Variants in BBS9 observed in about 807,000 individuals in gnomAD.
BBS9 encodes the protein Bardet-Biedl syndrome 9.
BBS9 carries 89 observed loss-of-function variants against 117.7 expected under a neutral mutation model. That is an observed-to-expected ratio of 0.76 (90% CI 0.64 to 0.90). The LOEUF is 0.90. Ranked by LOEUF, BBS9 falls within the 40% of genes least tolerant of loss-of-function variation. BBS9 has a pLI of 0.00. For synonymous variants in BBS9, 379 were observed against 370.9 expected (o/e 1.02, Z -0.25); for missense variants, 982 against 1,042.2 (o/e 0.94, Z 0.80).
chr7:33,165,016 C>A (rs927587112), intron 4 of BBS9, among the ~76,000 whole-genome samples: 6 of 152,154 alleles, frequency 3.9e-5, no homozygotes, highest in African/African-American at 9.7e-5. Context: ...TCTTGTAAGG[C>A]AGGTCTGGTG....
At chr7:33,504,701 T>C (rs1845905262) in intron 19 of BBS9, among the ~76,000 whole-genome samples, 1 of 152,082 alleles carries the variant, frequency 6.6e-6, no homozygotes, top group Admixed American at 6.6e-5. Context: ...AAAACACCAA[T>C]GGGAAGTTTT....
chr7:33,594,881 A>G (rs1181431824), intron 21 of BBS9, among the ~76,000 whole-genome samples: 2 of 151,934 alleles, frequency 1.3e-5, no homozygotes, highest in African/African-American at 4.8e-5. Flanking sequence ...GCCTTTGAAA[A>G]CCCAATTTCA....
chr7:33,412,910 G>C (rs1266209955), intron 19 of BBS9, among the ~76,000 whole-genome samples: 1 of 152,096 alleles, frequency 6.6e-6, no homozygotes, highest in Non-Finnish European at 1.5e-5. Context: ...TCTTCCTTGA[G>C]TTAGCCTTTT....
At chr7:33,168,053 T>C (rs1370387912) in intron 4 of BBS9, among the ~76,000 whole-genome samples, 2 of 152,208 alleles carry the variant, frequency 1.3e-5, no homozygotes, top group Non-Finnish European at 2.9e-5. Context: ...AACATATTCA[T>C]TAAAATGTAA....
At chr7:33,266,173 G>C (rs577988793) in intron 7 of BBS9, among the ~76,000 whole-genome samples, 39 of 152,262 alleles carry the variant, frequency 2.6e-4, no homozygotes, top group African/African-American at 8.9e-4. Context: ...GATGTATTCT[G>C]AAGGCAATTG....
At chr7:33,559,999 C>T (rs1262654826) in intron 21 of BBS9, among the ~76,000 whole-genome samples, 1 of 152,086 alleles carries the variant, frequency 6.6e-6, no homozygotes. Context: ...TGCCTAACGC[C>T]ATTCATGACT....
At chr7:33,573,641 G>C (rs1202608917) in intron 21 of BBS9, among the ~76,000 whole-genome samples, 2 of 152,042 alleles carry the variant, frequency 1.3e-5, no homozygotes, top group East Asian at 3.8e-4. Context: ...TTTTATTAAA[G>C]GTATTGATAA....
chr7:33,133,827 G>A (rs1231029938), intron 1 of BBS9, among the ~76,000 whole-genome samples: 1 of 152,184 alleles, frequency 6.6e-6, no homozygotes, highest in Non-Finnish European at 1.5e-5. Context: ...TTCAGTGTCA[G>A]ATTGCTGGGT....
chr7:33,147,029 T>C (rs1792508532), intron 2 of BBS9, among the ~76,000 whole-genome samples: 1 of 152,190 alleles, frequency 6.6e-6, no homozygotes, highest in Non-Finnish European at 1.5e-5. Flanking sequence ...AAAATAAATT[T>C]ATTGGACCTG....
chr7:33,301,731 T>C (rs1284999494), intron 9 of BBS9, among the ~76,000 whole-genome samples: 1 of 152,172 alleles, frequency 6.6e-6, no homozygotes, highest in Non-Finnish European at 1.5e-5. Context: ...AGTGCTGCAG[T>C]AAACATGAGA....
At chr7:33,552,909 TCCACTTCTC>T (rs1362759812) in intron 21 of BBS9, among the ~76,000 whole-genome samples, 3 of 152,216 alleles carry the variant, frequency 2.0e-5, no homozygotes, top group African/African-American at 7.2e-5. Context: ...TGTCTCTCCA[TCCACTTCTC>T]CACCAGCAAT....
chr7:33,225,983 A>G (rs1583731267), intron 5 of BBS9, among the ~76,000 whole-genome samples: 1 of 152,186 alleles, frequency 6.6e-6, no homozygotes, highest in East Asian at 1.9e-4. Context: ...TTGCTGGAAG[A>G]TGTTTTTAGA....
chr7:33,300,215 A>G (rs1421229064), intron 9 of BBS9, among the ~76,000 whole-genome samples: 2 of 152,128 alleles, frequency 1.3e-5, no homozygotes, highest in East Asian at 1.9e-4. Flanking sequence ...GAGGAAGTTA[A>G]TACTCTGACC....
chr7:33,342,180 C>A (rs1816706795), intron 11 of BBS9, among the ~76,000 whole-genome samples: 1 of 152,000 alleles, frequency 6.6e-6, no homozygotes. Context: ...ATTAACATTA[C>A]TATATTATAG....
chr7:33,192,083 T>A (rs893833048), intron 5 of BBS9, among the ~76,000 whole-genome samples: 7 of 152,096 alleles, frequency 4.6e-5, no homozygotes, highest in Admixed American at 6.5e-5. Flanking sequence ...AATTTTACAG[T>A]TTCTGGAATT....
chr7:33,583,731 T>C (rs868014657), intron 21 of BBS9, among the ~76,000 whole-genome samples: 3 of 152,102 alleles, frequency 2.0e-5, no homozygotes, highest in Non-Finnish European at 2.9e-5. Context: ...GGCCAAATGC[T>C]ACGAACATGG....
intron 5 of BBS9, among the ~76,000 whole-genome samples, chr7:33,183,652 C>G (rs1377434390): frequency 2.0e-5 from 3 of 152,188 alleles, no homozygotes; most frequent in African/African-American, 7.2e-5. Flanking sequence ...CAATTTTGAG[C>G]TTGCAAAAGC....
chr7:33,233,425 T>C (rs1394193930), intron 5 of BBS9, among the ~76,000 whole-genome samples: 4 of 152,174 alleles, frequency 2.6e-5, no homozygotes, highest in Non-Finnish European at 5.9e-5. Context: ...ATTAACTTTT[T>C]GCTGAGTTTA....
chr7:33,409,638 A>G (rs1830743594), intron 19 of BBS9, among the ~76,000 whole-genome samples: 1 of 151,970 alleles, frequency 6.6e-6, no homozygotes, highest in Non-Finnish European at 1.5e-5. Context: ...GTGTATGAGG[A>G]TTCTGTTTCT....
Sources: allele counts gnomAD v4.1 joint callset (sites outside exome capture counted in the v4.1 genomes callset), GRCh38; gene constraint gnomAD v4.1.1; transcripts MANE v1.5; gene names NCBI Gene and HGNC (gene_info 2026-07-23, HGNC 2026-07-21).